The following ANK1 variants were observed in gnomAD, a reference collection of about 807,000 sequenced individuals.
The protein encoded by ANK1 is ankyrin-1.
Under a neutral mutation model 210.4 loss-of-function variants are expected in ANK1, and 51 were observed. The observed-to-expected ratio is 0.24, with a 90% CI of 0.19 to 0.31. The LOEUF (loss-of-function observed/expected upper bound fraction) is 0.31, where lower values mean the gene tolerates loss of function less well. ANK1 is among the 10% of genes least tolerant of loss of function. The pLI, the probability that ANK1 is intolerant of heterozygous loss-of-function variation, is 1.00. For synonymous variants in ANK1, 967 were observed against 1,025.9 expected (o/e 0.94, Z 1.10); for missense variants, 2,051 against 2,504.4 (o/e 0.82, Z 3.86).
intron 2 of ANK1, among the ~76,000 whole-genome samples, chr8:41,736,223 C>T (rs986994157): frequency 1.8e-4 from 27 of 152,232 alleles, no homozygotes; most frequent in African/African-American, 6.3e-4. Context: ...CAGAAACCAA[C>T]TCCCCTCCCC....
intron 1 of ANK1, among the ~76,000 whole-genome samples, chr8:41,809,579 C>T (rs1802157982): frequency 6.6e-6 from 1 of 152,076 alleles, no homozygotes; most frequent in African/African-American, 2.4e-5. Context: ...CCAGCCTGGG[C>T]AACATAGCAA....
intron 1 of ANK1, among the ~76,000 whole-genome samples, chr8:41,781,470 C>G (rs1394529203): frequency 2.0e-5 from 3 of 152,248 alleles, no homozygotes; most frequent in South Asian, 2.1e-4. Flanking sequence ...GTACCACACC[C>G]AGGGACCACC....
intron 36 of ANK1, 134 bp downstream of exon 36, chr8:41,686,018 G>A (rs1178525866): frequency 7.1e-7 from 1 of 1,399,860 alleles, no homozygotes; most frequent in Non-Finnish European, 1.0e-6. Context: ...GATGCGAGTG[G>A]TGCGTGAGTG....
intron 1 of ANK1, among the ~76,000 whole-genome samples, chr8:41,892,553 G>C (rs2150838723): frequency 6.6e-6 from 1 of 152,310 alleles, no homozygotes; most frequent in African/African-American, 2.4e-5. Context: ...TAGTGTAGCA[G>C]AGACCCTGCA....
chr8:41,838,705 C>T (rs1244307037), intron 1 of ANK1, among the ~76,000 whole-genome samples: 3 of 151,704 alleles, frequency 2.0e-5, no homozygotes, highest in South Asian at 2.1e-4. Context: ...GCAGAGGCTG[C>T]GGTGAGCCTG....
chr8:41,781,381 C>T (rs1035069039), intron 1 of ANK1, among the ~76,000 whole-genome samples: 1 of 152,238 alleles, frequency 6.6e-6, no homozygotes, highest in African/African-American at 2.4e-5. Flanking sequence ...CCAGGCAATT[C>T]CGAGAGACGC....
chr8:41,819,894 G>A (rs192958295), intron 1 of ANK1, among the ~76,000 whole-genome samples: 33 of 152,300 alleles, frequency 2.2e-4, no homozygotes, highest in South Asian at 8.3e-4. Flanking sequence ...AGCAAAGTTC[G>A]TCTAAACAGA....
rs112926512 is a variant in ANK1, at chr8:41,896,609, G to A, written c.-129C>T. The A allele has an allele frequency of 0.024, 30,047 of 1,257,648 alleles. 1,485 individuals are homozygous for A. The highest frequency in any genetic ancestry group is 0.16 in the African/African-American group (10,362 of 63,478). The allele number at this position is 1,257,648 out of a possible 1,614,324, so 77.9% of individuals were successfully genotyped here. On this transcript the variant is annotated 5_prime_UTR_variant, in exon 1 of 43. Transcript: ENST00000265709. ...GGGGACAGCGTTCGTGGCGCCCCGA[G>A]GGCCGGCTGCTGCGGGGTCGCGGGA...
At chr8:41,662,277 G>A (rs1209403970) in intron 40 of ANK1, among the ~76,000 whole-genome samples, 7 of 152,056 alleles carry the variant, frequency 4.6e-5, no homozygotes, top group Admixed American at 6.5e-5. Flanking sequence ...AGGCGGGGGG[G>A]CTGGTCAAGC....
At chr8:41,774,727 A>G (rs1843642125) in intron 1 of ANK1, among the ~76,000 whole-genome samples, 1 of 152,228 alleles carries the variant, frequency 6.6e-6, no homozygotes, top group South Asian at 2.1e-4. Context: ...ATAGAATTCC[A>G]AGTGCACCCG....
chr8:41,772,583 A>T (rs781289044), intron 1 of ANK1, among the ~76,000 whole-genome samples: 31 of 152,236 alleles, frequency 2.0e-4, no homozygotes, highest in Non-Finnish European at 3.4e-4. Context: ...CAAGATCAGG[A>T]TCCCAAGAAA....
chr8:41,763,053 T>TA (rs1206215835), intron 1 of ANK1, among the ~76,000 whole-genome samples: 1 of 151,894 alleles, frequency 6.6e-6, no homozygotes, highest in Non-Finnish European at 1.5e-5. Context: ...ACATCTCTAT[T>TA]AAAAATAGAA....
At position 41,669,445 on chromosome 8, in the gene ANK1, C is replaced by A. The variant is rs143765686; in HGVS notation, c.5097-881G>T. Among the ~76,000 whole-genome samples, 987 of 152,146 alleles carry A rather than the reference C, an allele frequency of 6.5e-3. 7 individuals carry two copies. Among genetic ancestry groups the A allele is most frequent in the South Asian group, 0.011 (51 of 4,822 alleles). Reference sequence around the variant, plus strand: ...TTGAGTAGCTGGGACTGCAGGCACACGCCACCACGTCCAGCTATTTAAAAA... The same window carrying A: ...TTGAGTAGCTGGGACTGCAGGCACAAGCCACCACGTCCAGCTATTTAAAAA... On this transcript the variant is annotated intron_variant, in intron 38 of 42. Coordinates refer to ENST00000289734, the MANE Select transcript of ANK1 (RefSeq NM_000037.4).
upstream of ANK1, among the ~76,000 whole-genome samples, chr8:41,801,552 C>T (rs1849861449): frequency 6.6e-6 from 1 of 152,144 alleles, no homozygotes; most frequent in Non-Finnish European, 1.5e-5. Flanking sequence ...ATATTTTTGT[C>T]AATCTGGTTG....
At chr8:41,731,973 G>A (rs927339728) in intron 3 of ANK1, among the ~76,000 whole-genome samples, 2 of 152,174 alleles carry the variant, frequency 1.3e-5, no homozygotes, top group African/African-American at 2.4e-5. Context: ...GGGAACAATT[G>A]GAATTTGACA....
At chr8:41,759,048 A>G (rs1394273548) in intron 1 of ANK1, among the ~76,000 whole-genome samples, 1 of 152,034 alleles carries the variant, frequency 6.6e-6, no homozygotes, top group East Asian at 1.9e-4. Context: ...TTTGTTAAGT[A>G]AACAAACAGC....
At chr8:41,714,955 G>A in intron 15 of ANK1, 21 bp downstream of exon 15, 1 of 1,612,360 alleles carries the variant, frequency 6.2e-7, no homozygotes, top group Non-Finnish European at 8.5e-7. Flanking sequence ...AGCTGCAGGG[G>A]AGGGCAGGGT....
At chr8:41,844,615 G>C (rs1255481643) in intron 1 of ANK1, among the ~76,000 whole-genome samples, 1 of 152,178 alleles carries the variant, frequency 6.6e-6, no homozygotes, top group African/African-American at 2.4e-5. Flanking sequence ...ACACGATCTC[G>C]GGCATGCCCC....
rs779043416 is a variant in ANK1 at position 41,714,171 on chromosome 8, C to A, written c.1785G>T (p.Pro595=). 2.1e-6 allele frequency: 3 copies of A among 1,431,710 alleles called. No individual in the cohort carries two copies. Among genetic ancestry groups the A allele is most frequent in the Admixed American group, 4.1e-5 (2 of 48,682 alleles). The allele number at this position is 1,431,710 out of a possible 1,614,324, so 88.7% of individuals were successfully genotyped here. ...CGGGCCTTACCCAGGCAGGGCTGTG[C>A]GGGGAGCCGCCCCGGGGAAGCAGCA... The part of the protein sequence containing the change: ...VKLLLPRGGS[P]HSPAWNGYTP... The change falls in exon 16 of 43, where the codon CCG becomes CCT. Residue 595 remains proline, a synonymous_variant. Transcript: ENST00000289734.
Sources: allele counts gnomAD v4.1 joint callset (sites outside exome capture counted in the v4.1 genomes callset), GRCh38; gene constraint gnomAD v4.1.1; transcripts MANE v1.5; gene names NCBI Gene and HGNC (gene_info 2026-07-23, HGNC 2026-07-21).